The following MGAT4C variants were observed in gnomAD, a reference collection of about 807,000 sequenced individuals.
MGAT4C encodes the protein MGAT4 family member C.
Under a neutral mutation model 40.1 loss-of-function variants are expected in MGAT4C, and 19 were observed. That is an observed-to-expected ratio of 0.47 (90% confidence interval 0.33 to 0.70). MGAT4C has a LOEUF of 0.70. MGAT4C is among the 30% of genes least tolerant of loss of function. The pLI, the probability that MGAT4C is intolerant of heterozygous loss-of-function variation, is 0.02. For missense variants in MGAT4C, 491 were observed against 563.2 expected (o/e 0.87, Z 1.30); for synonymous variants, 181 against 187.1 (o/e 0.97, Z 0.27).
intron 2 of MGAT4C, among the ~76,000 whole-genome samples, chr12:86,664,053 C>T (rs995466653): frequency 1.3e-5 from 2 of 151,968 alleles, no homozygotes; most frequent in Non-Finnish European, 2.9e-5. Context: ...TGCATTTATT[C>T]AGTCAGTATA....
At chr12:86,016,986 G>A (rs922176842) in intron 2 of MGAT4C, among the ~76,000 whole-genome samples, 2 of 152,046 alleles carry the variant, frequency 1.3e-5, no homozygotes, top group Admixed American at 6.6e-5. Flanking sequence ...TCAGTCAAAA[G>A]TTGTTGTTCA....
chr12:86,830,436 C>T (rs899320980), intron 1 of MGAT4C, among the ~76,000 whole-genome samples: 6 of 151,750 alleles, frequency 4.0e-5, no homozygotes, highest in Non-Finnish European at 7.4e-5. Flanking sequence ...AAGTGTCTGT[C>T]TATCCATGAC....
chr12:86,158,674 A>C (rs1355927076), intron 1 of MGAT4C, among the ~76,000 whole-genome samples: 1 of 152,188 alleles, frequency 6.6e-6, no homozygotes, highest in Non-Finnish European at 1.5e-5. Flanking sequence ...AATGAAGGTC[A>C]TATGTAAGTT....
intron 2 of MGAT4C, among the ~76,000 whole-genome samples, chr12:86,634,794 A>G (rs1272545736): frequency 6.6e-6 from 1 of 152,122 alleles, no homozygotes; most frequent in Non-Finnish European, 1.5e-5. Flanking sequence ...AATCTTATAT[A>G]AGCTAAAATA....
At chr12:86,410,508 C>A (rs933940491) in intron 3 of MGAT4C, among the ~76,000 whole-genome samples, 1 of 152,136 alleles carries the variant, frequency 6.6e-6, no homozygotes, top group Admixed American at 6.5e-5. Context: ...GGCGGTCAGA[C>A]CTTTGGTTGT....
chr12:86,252,489 G>GT (rs532518007), intron 1 of MGAT4C, among the ~76,000 whole-genome samples: 35 of 152,024 alleles, frequency 2.3e-4, no homozygotes, highest in African/African-American at 6.5e-4. Flanking sequence ...CTCTGAGGAG[G>GT]TTGTATTTTA....
intron 1 of MGAT4C, among the ~76,000 whole-genome samples, chr12:86,784,551 T>C (rs1951899318): frequency 6.6e-6 from 1 of 151,966 alleles, no homozygotes; most frequent in Admixed American, 6.6e-5. Flanking sequence ...TCATTAACGC[T>C]AATTACCTCT....
intron 1 of MGAT4C, among the ~76,000 whole-genome samples, chr12:86,178,070 G>T (rs1176404183): frequency 6.6e-6 from 1 of 152,052 alleles, no homozygotes; most frequent in Admixed American, 6.6e-5. Flanking sequence ...CCGAGTAGCT[G>T]GGACTACAGG....
At chr12:86,511,299 A>G (rs1170808235) in intron 2 of MGAT4C, among the ~76,000 whole-genome samples, 1 of 151,194 alleles carries the variant, frequency 6.6e-6, no homozygotes, top group East Asian at 1.9e-4. Context: ...CAACGAGAAC[A>G]AAGACACAAC....
intron 2 of MGAT4C, among the ~76,000 whole-genome samples, chr12:86,447,634 C>G (rs1045623408): frequency 1.3e-5 from 2 of 151,956 alleles, no homozygotes; most frequent in African/African-American, 4.8e-5. Flanking sequence ...TTAGCTTCTC[C>G]TATACAGTAA....
intron 4 of MGAT4C, among the ~76,000 whole-genome samples, chr12:86,274,723 T>C (rs1953027016): frequency 6.6e-6 from 1 of 152,236 alleles, no homozygotes; most frequent in African/African-American, 2.4e-5. Context: ...CCACATTATA[T>C]ACCCAGATTG....
At chr12:86,778,340 G>C (rs1044107599) in intron 1 of MGAT4C, among the ~76,000 whole-genome samples, 1 of 152,100 alleles carries the variant, frequency 6.6e-6, no homozygotes, top group Non-Finnish European at 1.5e-5. Flanking sequence ...TATAATTTTA[G>C]ACAACTTGTT....
chr12:86,785,837 T>G (rs1386261633), intron 1 of MGAT4C, among the ~76,000 whole-genome samples: 1 of 151,804 alleles, frequency 6.6e-6, no homozygotes, highest in Non-Finnish European at 1.5e-5. Context: ...TCAGAATTTT[T>G]TAGGTACCCA....
At chr12:86,334,877 T>C (rs59851981) in intron 3 of MGAT4C, among the ~76,000 whole-genome samples, 2 of 152,104 alleles carry the variant, frequency 1.3e-5, no homozygotes, top group South Asian at 2.1e-4. Flanking sequence ...AGAACTAAGA[T>C]GTTCAATTAA....
Position 86,631,987 on chromosome 12 carries a change from A to C in MGAT4C, c.-229+95222T>G, listed in dbSNP as rs1335655869. On this transcript the variant is annotated intron_variant, in intron 2 of 7. Coordinates refer to the MGAT4C transcript ENST00000548651. ...ACAGGCAACCTACAGAATGGGAGAAAATTTTTGCAATCTACCCATCTGACA... is the reference window on the plus strand; with the variant it reads ...ACAGGCAACCTACAGAATGGGAGAACATTTTTGCAATCTACCCATCTGACA... Among the ~76,000 whole-genome samples, 5 of 152,200 alleles carry C rather than the reference A, an allele frequency of 3.3e-5. No individual in the cohort carries two copies. The South Asian group carries it at 8.3e-4, about 25-fold the overall frequency.
At chr12:86,107,602 A>G (rs996734477) in intron 1 of MGAT4C, among the ~76,000 whole-genome samples, 23 of 152,160 alleles carry the variant, frequency 1.5e-4, no homozygotes, top group African/African-American at 5.1e-4. Context: ...CCCTCCGTTA[A>G]TTAGAGAACA....
chr12:86,738,269 A>AT (rs1951015290), intron 1 of MGAT4C, among the ~76,000 whole-genome samples: 1 of 151,270 alleles, frequency 6.6e-6, no homozygotes. Context: ...TCATATCTTA[A>AT]TTTTTTAAAT....
At chr12:86,536,599 G>C (rs1031366565) in intron 2 of MGAT4C, among the ~76,000 whole-genome samples, 8 of 152,124 alleles carry the variant, frequency 5.3e-5, no homozygotes, top group African/African-American at 1.7e-4. Flanking sequence ...AGTAAAAAAT[G>C]GTTATCAATA....
At chr12:86,758,159 C>T (rs894927250) in intron 1 of MGAT4C, among the ~76,000 whole-genome samples, 2 of 152,196 alleles carry the variant, frequency 1.3e-5, no homozygotes, top group African/African-American at 4.8e-5. Flanking sequence ...CAACAAACTG[C>T]ATTTCAATTA....
Sources: gnomAD v4.1 joint callset for allele counts (sites outside exome capture counted in the v4.1 genomes callset) on GRCh38, gnomAD v4.1.1 for gene constraint, MANE v1.5 for transcripts, NCBI Gene and HGNC (gene_info 2026-07-23, HGNC 2026-07-21) for gene names.